The following ADIPOR1 variants were observed in gnomAD, a reference collection of about 807,000 sequenced individuals.
ADIPOR1 encodes the protein adiponectin receptor 1, also known as adiponectin receptor protein 1.
A neutral mutation model predicts 37.5 loss-of-function variants in ADIPOR1; 15 were observed. The observed-to-expected ratio is 0.40, with a 90% CI of 0.27 to 0.62. ADIPOR1 has a LOEUF of 0.62. Ranked by LOEUF, ADIPOR1 falls within the 20% of genes least tolerant of loss-of-function variation. The probability of loss-of-function intolerance (pLI) is 0.42; values close to 1 mark genes in which losing one functional copy is unlikely to be tolerated. For missense variants in ADIPOR1, 286 were observed against 478.0 expected (o/e 0.60, Z 3.75); for synonymous variants, 173 against 173.2 (o/e 1.00, Z 0.01).
intron 1 of ADIPOR1, among the ~76,000 whole-genome samples, chr1:202,955,871 G>C (rs900312562): frequency 2.0e-5 from 3 of 152,192 alleles, no homozygotes; most frequent in Non-Finnish European, 4.4e-5. Context: ...CGCCTTCCAG[G>C]TTCAAGCAAT....
rs180711328 is a variant in ADIPOR1, at chr1:202,946,770, C to G, written c.259-160G>C. On this transcript the variant is annotated intron_variant, in intron 3 of 7. Transcript: ENST00000340990. Reference sequence around the variant, plus strand: ...GGACTGGGGGATATCCAAGACATAGCATGAATGGGGCTAGCAGAGTCCTGA... The same window carrying G: ...GGACTGGGGGATATCCAAGACATAGGATGAATGGGGCTAGCAGAGTCCTGA... Among the ~76,000 whole-genome samples the G allele has an allele frequency of 3.3e-5, 5 of 150,966 alleles. No homozygotes were observed. The South Asian group carries it at 8.4e-4, about 25-fold the overall frequency.
rs1287552946 is a variant in ADIPOR1, at chr1:202,955,362, G to A, written c.-95+2823C>T. On this transcript the variant is annotated intron_variant, in intron 1 of 7. Coordinates refer to ENST00000340990, the MANE Select transcript of ADIPOR1 (RefSeq NM_015999.6). The stretch of plus-strand genomic sequence containing the variant: ...TTAGCTTCCCAAGTCTTAGTAACCG[G>A]GACTACAGGCATGTGCCACCATGCC... 2.6e-5 allele frequency among the ~76,000 whole-genome samples: 4 copies of A among 151,652 alleles called. No homozygotes were observed. The East Asian group carries it at 7.8e-4, about 30-fold the overall frequency.
Position 202,941,952 on chromosome 1 carries a change from C to A in ADIPOR1, c.999+73G>T, listed in dbSNP as rs1000546318. 5.4e-6 allele frequency: 8 copies of A among 1,477,930 alleles called. No individual in the cohort carries two copies. The East Asian group carries it at 6.8e-5, about 13-fold the overall frequency. The allele number at this position is 1,477,930 out of a possible 1,614,324, so 91.6% of individuals were successfully genotyped here. A position where few individuals can be genotyped will look rare whatever the true frequency, so the allele number is the denominator to read the frequency against. On this transcript the variant is annotated intron_variant, in intron 7 of 7. Coordinates refer to ENST00000340990, the MANE Select transcript of ADIPOR1 (RefSeq NM_015999.6). ...ACTATATGATCCCAGTCTCATACCA[C>A]CTTTTCCTCAGCCCTTTAACTTTGG...
chr1:202,952,361 G>A (rs1372397013), intron 1 of ADIPOR1, among the ~76,000 whole-genome samples: 1 of 152,120 alleles, frequency 6.6e-6, no homozygotes, highest in Non-Finnish European at 1.5e-5. Flanking sequence ...TTAAGCTTAG[G>A]GAGCCCCAAT....
intron 1 of ADIPOR1, among the ~76,000 whole-genome samples, chr1:202,955,225 A>C (rs1021153024): frequency 2.9e-5 from 4 of 136,380 alleles, no homozygotes; most frequent in African/African-American, 1.2e-4. Context: ...CCCCAACAGA[A>C]GTCTTTTTTT....
intron 3 of ADIPOR1, among the ~76,000 whole-genome samples, chr1:202,947,051 G>A (rs1156269240): frequency 6.6e-6 from 1 of 151,960 alleles, no homozygotes; most frequent in Admixed American, 6.6e-5. Flanking sequence ...GGCGGGCGGG[G>A]GTTGCAGTGA....
At chr1:202,944,713 T>C in intron 5 of ADIPOR1, 1 of 246,846 alleles carries the variant, frequency 4.1e-6, no homozygotes, top group Non-Finnish European at 7.8e-6. Context: ...ACTGGCACTC[T>C]AAGCCTCACA....
intron 6 of ADIPOR1, 37 bp downstream of exon 6, chr1:202,943,721 A>G (rs1240947332): frequency 6.2e-7 from 1 of 1,601,192 alleles, no homozygotes; most frequent in African/African-American, 1.3e-5. Context: ...CCTAAGGTCT[A>G]AATACCTCTG....
At chr1:202,953,226 T>C (rs1460145337) in intron 1 of ADIPOR1, among the ~76,000 whole-genome samples, 1 of 123,132 alleles carries the variant, frequency 8.1e-6, no homozygotes, top group Non-Finnish European at 1.7e-5. Context: ...AAAAAATACT[T>C]TATATCGCAA....
intron 2 of ADIPOR1, among the ~76,000 whole-genome samples, 183 bp from the exon 3 acceptor site, chr1:202,948,603 AT>A: frequency 6.6e-6 from 1 of 152,316 alleles, no homozygotes; most frequent in South Asian, 2.1e-4. Context: ...TTAGAAATTT[AT>A]TAATACTTCG....
chr1:202,948,351 G>T lies in ADIPOR1; in HGVS notation c.211C>A (p.Leu71Met), dbSNP rs1476115536. Reference protein sequence around the residue: ...EEEVRVLTLPLQAHHAMEKME... With the variant: ...EEEVRVLTLPMQAHHAMEKME... ...TTCTCCATGGCGTGGTGGGCTTGCA[G>T]GGGAAGTGTCAGTACCCGCACCTCC... Residue 71 changes from leucine (L) to methionine (M), a missense_variant, in exon 3 of 8, where the codon CTG (leucine) becomes ATG (methionine). Physicochemically the swap from Leu to Met is conservative, Grantham distance 15. Transcript: ENST00000340990. The T allele has an allele frequency of 1.2e-6, 2 of 1,613,966 alleles. No individual in the cohort carries two copies. The highest frequency in any genetic ancestry group is 2.2e-5 in the South Asian group (2 of 91,058).
chr1:202,951,364 G>T (rs1321222032), intron 1 of ADIPOR1, among the ~76,000 whole-genome samples, 200 bp from the exon 2 acceptor site: 1 of 152,034 alleles, frequency 6.6e-6, no homozygotes, highest in Non-Finnish European at 1.5e-5. Flanking sequence ...AATCTTATAG[G>T]TAAGGCTGAA....
intron 2 of ADIPOR1, among the ~76,000 whole-genome samples, chr1:202,950,269 G>A (rs1352710984): frequency 6.6e-6 from 1 of 151,672 alleles, no homozygotes; most frequent in Admixed American, 6.6e-5. Context: ...GGCCCTGATA[G>A]TCCCTTTAAA....
intron 3 of ADIPOR1, among the ~76,000 whole-genome samples, chr1:202,946,922 C>T (rs1571563221): frequency 6.6e-6 from 1 of 151,536 alleles, no homozygotes; most frequent in East Asian, 1.9e-4. Flanking sequence ...CAAGACCTGC[C>T]TGACTAACAT....
chr1:202,956,291 T>C (rs1418043096), intron 1 of ADIPOR1, among the ~76,000 whole-genome samples: 2 of 152,212 alleles, frequency 1.3e-5, no homozygotes, highest in Non-Finnish European at 2.9e-5. Flanking sequence ...GACAGGATAA[T>C]GTAGCAGGAG....
chr1:202,941,740 A>C (rs1654096971), intron 7 of ADIPOR1, 39 bp from the exon 8 acceptor site: 4 of 1,578,900 alleles, frequency 2.5e-6, no homozygotes, highest in Non-Finnish European at 3.4e-6. Flanking sequence ...AGGATAATGC[A>C]AGGAGGAATA....
intron 6 of ADIPOR1, 122 bp downstream of exon 6, chr1:202,943,636 G>A: frequency 8.8e-7 from 1 of 1,131,596 alleles, no homozygotes; most frequent in Non-Finnish European, 1.2e-6. Flanking sequence ...TGAAAGTTCT[G>A]AAACACAAAT....
rs763241138 is a variant in ADIPOR1, at chr1:202,942,093, T to C, written c.931A>G (p.Ile311Val). 1.2e-6 allele frequency: 2 copies of C among 1,614,160 alleles called. No homozygotes were observed. Among genetic ancestry groups the C allele is most frequent in the Non-Finnish European group, 1.7e-6 (2 of 1,180,034 alleles). The change falls in exon 7 of 8, where the codon ATC (isoleucine) becomes GTC (valine). Residue 311 changes from isoleucine (I) to valine (V), a missense_variant. Physicochemically the swap from Ile to Val is conservative, Grantham distance 29. Transcript: ENST00000340990. ...GCAGCATAAAGGCCAGCTCCAGTGA[T>C]GTACATCACAGCCATGAGGAAGAAC... ...GWFFLMAVMY[I>V]TGAGLYAARI... is the part of the protein sequence containing the mutation.
At chr1:202,949,472 C>T (rs1234378133) in intron 2 of ADIPOR1, among the ~76,000 whole-genome samples, 2 of 149,318 alleles carry the variant, frequency 1.3e-5, no homozygotes, top group South Asian at 2.1e-4. Context: ...CCCAGCTACT[C>T]GGGAGGCTGA....
Sources: gnomAD v4.1 joint callset for allele counts (sites outside exome capture counted in the v4.1 genomes callset) on GRCh38, gnomAD v4.1.1 for gene constraint, MANE v1.5 for transcripts, NCBI Gene and HGNC (gene_info 2026-07-23, HGNC 2026-07-21) for gene names.